ZNF395: variants seen among roughly 807,000 people sequenced by gnomAD.
ZNF395 encodes zinc finger protein 395.
Under a neutral mutation model 57.7 loss-of-function variants are expected in ZNF395, and 20 were observed. The observed-to-expected ratio is 0.35, with a 90% CI of 0.24 to 0.50. The LOEUF (loss-of-function observed/expected upper bound fraction) is 0.50, where lower values mean the gene tolerates loss of function less well. Among genes scored for constraint, ZNF395 ranks in the 20% least tolerant of loss-of-function variants. The pLI, the probability that ZNF395 is intolerant of heterozygous loss-of-function variation, is 0.97. For missense variants in ZNF395, 606 were observed against 671.2 expected (o/e 0.90, Z 1.07); for synonymous variants, 295 against 275.9 (o/e 1.07, Z -0.69).
intron 1 of ZNF395, among the ~76,000 whole-genome samples, chr8:28,371,552 C>T (rs532207183): frequency 6.6e-6 from 1 of 152,254 alleles, no homozygotes; most frequent in South Asian, 2.1e-4. Flanking sequence ...AACTAGATGA[C>T]CACATAAGCT....
At chr8:28,360,854 G>A (rs979536115) in intron 2 of ZNF395, 31 bp downstream of exon 2, 24 of 1,609,102 alleles carry the variant, frequency 1.5e-5, no homozygotes, top group African/African-American at 8.0e-5. Context: ...CTGGCAAGAC[G>A]GGACACCTGT....
chr8:28,376,713 G>C (rs949428946), intron 1 of ZNF395, among the ~76,000 whole-genome samples: 2 of 152,144 alleles, frequency 1.3e-5, no homozygotes, highest in South Asian at 2.1e-4. Flanking sequence ...AACAAGCACA[G>C]TTGATGTGAC....
At position 28,352,204 on chromosome 8, in the gene ZNF395, G is replaced by A. The variant is rs1473751965; in HGVS notation, c.920+369C>T. ...TGCACAGAACACGGCGGAGGCACCA[G>A]GGTGGGGCTAGCGGAGACCCACTCC... On this transcript the variant is annotated intron_variant, in intron 6 of 9. Transcript: ENST00000344423. The surrounding 1 kb of genome is among the most constrained non-coding windows in gnomAD (Gnocchi z 4.0). Among the ~76,000 whole-genome samples, 1 of 152,232 alleles carries A rather than the reference G, an allele frequency of 6.6e-6. No individual in the cohort carries two copies. The highest frequency in any genetic ancestry group is 1.5e-5 in the Non-Finnish European group (1 of 68,032).
chr8:28,380,391 C>T (rs1467949141), intron 1 of ZNF395, among the ~76,000 whole-genome samples: 1 of 152,158 alleles, frequency 6.6e-6, no homozygotes, highest in Non-Finnish European at 1.5e-5. Context: ...CTTGATTTGT[C>T]TGCAAAACCA....
At chr8:28,381,694 CT>C (rs939454651) in intron 1 of ZNF395, among the ~76,000 whole-genome samples, 40 of 152,212 alleles carry the variant, frequency 2.6e-4, no homozygotes, top group African/African-American at 8.4e-4. Context: ...TACCAGGCTC[CT>C]GAGAATTGTA....
rs140231580 is a variant in ZNF395, at chr8:28,367,669, C to T, written c.-58-6487G>A. Among the ~76,000 whole-genome samples, 8 of 152,304 alleles carry T rather than the reference C, an allele frequency of 5.3e-5. No individual in the cohort carries two copies. The South Asian group carries it at 8.3e-4, about 16-fold the overall frequency. ...TTTGTTCACGACTCTCTGGAGTTCACACTACCCTATTACACAAGACAGCTC... is the reference window on the plus strand; with the variant it reads ...TTTGTTCACGACTCTCTGGAGTTCATACTACCCTATTACACAAGACAGCTC... On this transcript the variant is annotated intron_variant, in intron 1 of 9. Coordinates refer to ENST00000344423, the MANE Select transcript of ZNF395 (RefSeq NM_018660.3).
At position 28,352,828 on chromosome 8, in the gene ZNF395, C is replaced by T. The variant is rs555766299; in HGVS notation, c.820-155G>A. Among the ~76,000 whole-genome samples the T allele has an allele frequency of 4.6e-5, 7 of 152,270 alleles. No individual in the cohort carries two copies. The highest frequency in any genetic ancestry group is 1.7e-4 in the African/African-American group (7 of 41,570). On this transcript the variant is annotated intron_variant, in intron 5 of 9. Coordinates refer to ENST00000344423, the MANE Select transcript of ZNF395 (RefSeq NM_018660.3). This position sits in a 1 kb window ranked among gnomAD's most constrained non-coding sequence, Gnocchi z 4.0. ...CTCTGGGACCAGAGAAACTTACAAC[C>T]AGGGGCTAGAAAGCCCCAATCTAAG...
chr8:28,358,161 T>C (rs1234010244), intron 3 of ZNF395, among the ~76,000 whole-genome samples: 7 of 145,764 alleles, frequency 4.8e-5, no homozygotes, highest in Non-Finnish European at 9.1e-5. Context: ...CTTTTTTTTT[T>C]TTTTTTTTTT....
chr8:28,362,091 C>CAAAAAA (rs111833441), intron 1 of ZNF395, among the ~76,000 whole-genome samples: 1 of 124,992 alleles, frequency 8.0e-6, no homozygotes. Flanking sequence ...GACTCAGACT[C>CAAAAAA]AAAAAAAAAA....
chr8:28,365,134 G>A (rs748918001), intron 1 of ZNF395, among the ~76,000 whole-genome samples: 2 of 152,198 alleles, frequency 1.3e-5, no homozygotes, highest in African/African-American at 2.4e-5. Context: ...GGCATCACTC[G>A]ATGCCTCGCC....
chr8:28,359,445 T>G lies in ZNF395; in HGVS notation c.473+147A>C. 1 of 1,126,670 alleles carries G rather than the reference T, an allele frequency of 8.9e-7. No individual in the cohort carries two copies. 69.8% of individuals were successfully genotyped at this position (1,126,670 alleles called of 1,614,324 possible). A position where few individuals can be genotyped will look rare whatever the true frequency, so the allele number is the denominator to read the frequency against. ...TGCCACTCTGGTTTTCTTAAAAGAT[T>G]CCCCTTTTCTGTGTCCCATTTGTCC... On this transcript the variant is annotated intron_variant, in intron 3 of 9. Transcript: ENST00000344423. This position sits in a 1 kb window ranked among gnomAD's most constrained non-coding sequence, Gnocchi z 4.7.
At chr8:28,383,310 C>T (rs1802132331) in intron 1 of ZNF395, among the ~76,000 whole-genome samples, 1 of 152,120 alleles carries the variant, frequency 6.6e-6, no homozygotes, top group African/African-American at 2.4e-5. Context: ...GCAACATGAA[C>T]AGAGCTCAAG....
Position 28,359,673 on chromosome 8 carries a change from CA to C in ZNF395, c.391del (p.Cys131ValfsTer38). 6.2e-7 allele frequency: 1 copy of C among 1,614,012 alleles called. No homozygotes were observed. The highest frequency in any genetic ancestry group is 8.5e-7 in the Non-Finnish European group (1 of 1,180,002). On this transcript the variant is annotated frameshift_variant, in exon 3 of 10. Coordinates refer to ENST00000344423, the MANE Select transcript of ZNF395 (RefSeq NM_018660.3). LOFTEE classifies it high-confidence loss of function. This position sits in a 1 kb window ranked among gnomAD's most constrained non-coding sequence, Gnocchi z 4.7. ...GGGCTCCAGGGGTGGTGCCTGGGGA[CA>C]GGGGCCCTGCAGCTCTGCCAGCCAC... is the stretch of plus-strand genomic sequence containing the variant. ...EVWLAELQGP[C>X]PQAPPLEPGA...
At chr8:28,381,059 T>C (rs951614339) in intron 1 of ZNF395, among the ~76,000 whole-genome samples, 1 of 100,768 alleles carries the variant, frequency 9.9e-6, no homozygotes, top group Non-Finnish European at 2.4e-5. Context: ...GTGTGTGTGT[T>C]TTGACGGAGT....
chr8:28,362,316 T>C (rs979905723), intron 1 of ZNF395, among the ~76,000 whole-genome samples: 10 of 152,198 alleles, frequency 6.6e-5, no homozygotes, highest in Non-Finnish European at 1.5e-4. Flanking sequence ...CCCAGTGCTT[T>C]GCAAATTCAG....
chr8:28,352,685 G>A lies in ZNF395; in HGVS notation c.820-12C>T. 5.0e-6 allele frequency: 8 copies of A among 1,610,142 alleles called. No homozygotes were observed. The highest frequency in any genetic ancestry group is 1.3e-5 in the African/African-American group (1 of 74,968). On this transcript the variant is annotated splice_polypyrimidine_tract_variant and intron_variant, in intron 5 of 9. Transcript: ENST00000344423. This position sits in a 1 kb window ranked among gnomAD's most constrained non-coding sequence, Gnocchi z 4.0. ...ACCTTCACAGAGTTCTACAGGAAAG[G>A]AAGACAGGGTGAGTGGATATGTCTT...
chr8:28,374,966 C>A (rs539002104), intron 1 of ZNF395, among the ~76,000 whole-genome samples: 2 of 152,132 alleles, frequency 1.3e-5, no homozygotes, highest in South Asian at 4.1e-4. Flanking sequence ...TCTGAACATC[C>A]CATTGCACAA....
Position 28,351,668 on chromosome 8 carries a change from C to A in ZNF395, c.1060G>T (p.Ala354Ser), listed in dbSNP as rs1427237810. ...PVPGTPTSEP[A>S]PTPSMTGLPL... is the part of the protein sequence containing the mutation. ...AGGCCAGTCATGCTGGGGGTGGGAG[C>A]TGGCTCGGAGGTGGGAGTCCCAGGG... The change falls in exon 7 of 10, where the codon GCT becomes TCT. Residue 354 changes from alanine to serine, a missense_variant. By Grantham distance (99) the Ala-to-Ser change is moderately conservative (BLOSUM62 1). Transcript: ENST00000344423. 6.2e-7 allele frequency: 1 copy of A among 1,612,810 alleles called. No homozygotes were observed. The highest frequency in any genetic ancestry group is 8.5e-7 in the Non-Finnish European group (1 of 1,179,900).
chr8:28,371,833 AAGGTG>A (rs1801980252), intron 1 of ZNF395, among the ~76,000 whole-genome samples: 3 of 152,246 alleles, frequency 2.0e-5, no homozygotes, highest in Admixed American at 1.3e-4. Context: ...TGGATCACTT[AAGGTG>A]AGGAGTTCAA....
Sources: gnomAD v4.1 joint callset for allele counts (sites outside exome capture counted in the v4.1 genomes callset) on GRCh38, gnomAD v4.1.1 for gene constraint, Gnocchi (gnomAD v3.1) non-coding constraint, MANE v1.5 for transcripts, NCBI Gene and HGNC (gene_info 2026-07-23, HGNC 2026-07-21) for gene names.